The following ECHDC1 variants were observed in gnomAD, a reference collection of about 807,000 sequenced individuals.
ECHDC1 encodes the protein ethylmalonyl-CoA decarboxylase 1, also known as ethylmalonyl-CoA decarboxylase.
In ECHDC1, 29 loss-of-function variants were observed where a neutral mutation model predicts 29.7. The ratio of observed to expected loss-of-function variants is 0.98; its 90% confidence interval spans 0.73 to 1.33. The LOEUF is 1.33. Ranked by LOEUF, ECHDC1 falls within the 40% of genes most tolerant of loss-of-function variation. ECHDC1 has a pLI of 0.00. For missense variants in ECHDC1, 328 were observed against 350.0 expected, an observed-to-expected ratio of 0.94 and a Z score of 0.50; for synonymous variants, 126 against 123.1, an observed-to-expected ratio of 1.02 and a Z score of -0.15.
intron 5 of ECHDC1, among the ~76,000 whole-genome samples, chr6:127,292,463 A>G (rs529285823): frequency 2.3e-3 from 356 of 152,134 alleles, no homozygotes; most frequent in Non-Finnish European, 4.2e-3. Flanking sequence ...ATCAAAATCT[A>G]ACATCCATTC....
intron 5 of ECHDC1, among the ~76,000 whole-genome samples, chr6:127,311,402 G>A (rs1781887642): frequency 6.6e-6 from 1 of 152,074 alleles, no homozygotes. Flanking sequence ...GGCCAGGCGT[G>A]GTGGCTCACG....
rs767688651 is a variant in ECHDC1, at chr6:127,330,980, A to G, written c.49T>C (p.Leu17=). The G allele has an allele frequency of 6.2e-7, 1 of 1,613,922 alleles. No homozygotes were observed. The highest frequency in any genetic ancestry group is 1.1e-5 in the South Asian group (1 of 91,074). ...KTASLSGRTK[L]LHQTGLSLYS... is the part of the protein sequence containing the mutation. ...AGTGACAATCCTGTTTGATGTAGCA[A>G]TTTTGTCCTTCCAGACAGAGAGGCT... The change falls in exon 2 of 6, where the codon TTG becomes CTG. Residue 17 remains leucine (L), a synonymous_variant. Transcript: ENST00000454859.
chr6:127,294,299 A>G (rs1431380653), intron 5 of ECHDC1, among the ~76,000 whole-genome samples: 3 of 152,214 alleles, frequency 2.0e-5, no homozygotes, highest in Non-Finnish European at 4.4e-5. Context: ...ACTTGCTCGC[A>G]TGGGGAAATA....
At chr6:127,291,661 A>C (rs1029014789) in intron 5 of ECHDC1, among the ~76,000 whole-genome samples, 2 of 152,158 alleles carry the variant, frequency 1.3e-5, no homozygotes, top group African/African-American at 4.8e-5. Flanking sequence ...TACTCATTAC[A>C]AAAAAGAAGA....
rs1228385235 is a variant in ECHDC1, at chr6:127,343,578, G to C, written c.-245C>G. The C allele has an allele frequency of 5.3e-5, 8 of 152,220 alleles. No individual in the cohort carries two copies. The highest frequency in any genetic ancestry group is 3.9e-4 in the Admixed American group (6 of 15,292). 9.4% of individuals were successfully genotyped at this position (152,220 alleles called of 1,614,324 possible). A position where few individuals can be genotyped will look rare whatever the true frequency, so the allele number is the denominator to read the frequency against. On this transcript the variant is annotated 5_prime_UTR_variant, in exon 1 of 6. Coordinates refer to ENST00000454859, the MANE Select transcript of ECHDC1 (RefSeq NM_001002030.2). ...CCCGGAAATCCCGCTCCTGCCGCGA[G>C]GCGCCCTCCGCTTCGCGCTCCCTCG...
rs1331531149 is a variant in ECHDC1, at chr6:127,330,854, C to G, written c.175G>C (p.Gly59Arg). 1.2e-6 allele frequency: 2 copies of G among 1,613,906 alleles called. No individual in the cohort carries two copies. Among genetic ancestry groups the G allele is most frequent in the Non-Finnish European group, 1.7e-6 (2 of 1,179,990 alleles). Residue 59 changes from glycine (G) to arginine (R), a missense_variant, in exon 2 of 6, where the codon GGC becomes CGC. Gly to Arg is a moderately radical substitution (Grantham distance 125). Transcript: ENST00000454859. ...IDLQKEDNGI[G>R]ILTLNNPSRM... is the part of the protein sequence containing the mutation. ...CTTGGATTGTTCAGAGTAAGAATGC[C>G]AATGCCATTGTCTTCCTTCTGAAGG...
Position 127,343,426 on chromosome 6 carries a change from A to G in ECHDC1, c.-93T>C, listed in dbSNP as rs1439881672. Reference sequence around the variant, plus strand: ...CTTTGTTTCCGCTCCCCCCGGGACCATCGTGCGCCCCTGTCCTCCGTTCTT... The same window carrying G: ...CTTTGTTTCCGCTCCCCCCGGGACCGTCGTGCGCCCCTGTCCTCCGTTCTT... On this transcript the variant is annotated 5_prime_UTR_variant, in exon 1 of 6. It removes an upstream start codon present in the reference 5' UTR. Coordinates refer to ENST00000454859, the MANE Select transcript of ECHDC1 (RefSeq NM_001002030.2). 2 of 152,142 alleles carry G rather than the reference A, an allele frequency of 1.3e-5. No individual in the cohort carries two copies. The highest frequency in any genetic ancestry group is 4.8e-5 in the African/African-American group (2 of 41,296). The allele number at this position is 152,142 out of a possible 1,614,324, so 9.4% of individuals were successfully genotyped here. A position where few individuals can be genotyped will look rare whatever the true frequency, so the allele number is the denominator to read the frequency against.
intron 4 of ECHDC1, 186 bp downstream of exon 4, chr6:127,316,264 A>G (rs1328678183): frequency 5.6e-6 from 3 of 539,422 alleles, no homozygotes; most frequent in Admixed American, 6.9e-5. Context: ...TTTAAAATAC[A>G]TATGTATATA....
intron 2 of ECHDC1, among the ~76,000 whole-genome samples, chr6:127,328,921 G>A (rs776176718): frequency 2.6e-5 from 4 of 152,104 alleles, no homozygotes; most frequent in Admixed American, 6.5e-5. Flanking sequence ...CAGCTAGTCC[G>A]GAGGCTGAGG....
intron 3 of ECHDC1, among the ~76,000 whole-genome samples, chr6:127,317,179 C>G (rs1040433852): frequency 6.6e-6 from 1 of 151,986 alleles, no homozygotes; most frequent in African/African-American, 2.4e-5. Context: ...CATATTTGCT[C>G]TCACTTTCTA....
chr6:127,335,937 G>A (rs1348202454), intron 1 of ECHDC1, among the ~76,000 whole-genome samples: 2 of 152,032 alleles, frequency 1.3e-5, no homozygotes, highest in Admixed American at 6.6e-5. Flanking sequence ...AAAATGATAC[G>A]GTATTAACTG....
At chr6:127,325,826 A>G (rs1435872459) in intron 3 of ECHDC1, among the ~76,000 whole-genome samples, 1 of 151,976 alleles carries the variant, frequency 6.6e-6, no homozygotes, top group East Asian at 1.9e-4. Context: ...TCAGCCTCCC[A>G]AGTAGCTGGG....
intron 3 of ECHDC1, among the ~76,000 whole-genome samples, chr6:127,320,195 T>C (rs1008725040): frequency 6.6e-6 from 1 of 152,144 alleles, no homozygotes; most frequent in African/African-American, 2.4e-5. Flanking sequence ...TTTTTGTATT[T>C]TTAGTAGAAA....
At chr6:127,319,455 T>C (rs1782665224) in intron 3 of ECHDC1, among the ~76,000 whole-genome samples, 1 of 152,172 alleles carries the variant, frequency 6.6e-6, no homozygotes, top group South Asian at 2.1e-4. Context: ...TGGCAATAGA[T>C]AATGAGTATG....
chr6:127,289,712 G>A lies in ECHDC1; in HGVS notation c.*157C>T. The A allele has an allele frequency of 1.3e-6, 1 of 748,212 alleles. No individual in the cohort carries two copies. Among genetic ancestry groups the A allele is most frequent in the Non-Finnish European group, 2.0e-6 (1 of 492,202 alleles). 46.3% of individuals were successfully genotyped at this position (748,212 alleles called of 1,614,324 possible). ...CCCAAGTGAGTAATTGGCAAGAAAT[G>A]AGGTAAATGAGTTCAGATATTCAAA... On this transcript the variant is annotated 3_prime_UTR_variant, in exon 6 of 6. Coordinates refer to ENST00000454859, the MANE Select transcript of ECHDC1 (RefSeq NM_001002030.2).
Position 127,314,803 on chromosome 6 carries a change from A to G in ECHDC1, c.497+13T>C, listed in dbSNP as rs368649472. ...TATATTTGTGCAAGAAATTAATGAA[A>G]TTTTCATCCTACCTGAAATCACATG... On this transcript the variant is annotated intron_variant, in intron 5 of 5. Coordinates refer to ENST00000454859, the MANE Select transcript of ECHDC1 (RefSeq NM_001002030.2). 152 of 1,589,554 alleles carry G rather than the reference A, an allele frequency of 9.6e-5. No homozygotes were observed. Among genetic ancestry groups the G allele is most frequent in the Admixed American group, 6.4e-4 (35 of 54,724 alleles).
intron 5 of ECHDC1, among the ~76,000 whole-genome samples, chr6:127,305,537 CT>C (rs1163569356): frequency 2.0e-5 from 3 of 152,038 alleles, no homozygotes; most frequent in African/African-American, 7.2e-5. Flanking sequence ...TATTAAAACA[CT>C]GTAACTGTGT....
At chr6:127,331,061 TAG>T (rs1562332019) in intron 1 of ECHDC1, 31 bp from the exon 2 acceptor site, 1 of 1,539,038 alleles carries the variant, frequency 6.5e-7, no homozygotes, top group African/African-American at 1.4e-5. Context: ...TGCGGTAGTA[TAG>T]ATGAATAGGC....
At chr6:127,311,039 A>T (rs888060839) in intron 5 of ECHDC1, among the ~76,000 whole-genome samples, 5 of 152,212 alleles carry the variant, frequency 3.3e-5, no homozygotes, top group African/African-American at 1.2e-4. Flanking sequence ...AACAGACTAT[A>T]GTACAGTGTA....
Sources: allele counts gnomAD v4.1 joint callset (sites outside exome capture counted in the v4.1 genomes callset), GRCh38; gene constraint gnomAD v4.1.1; transcripts MANE v1.5; gene names NCBI Gene and HGNC (gene_info 2026-07-23, HGNC 2026-07-21).